Variants in CSMD1 observed in about 807,000 individuals in gnomAD.
CSMD1 encodes CUB and Sushi multiple domains 1.
A neutral mutation model predicts 417.5 loss-of-function variants in CSMD1; 213 were observed. The ratio of observed to expected loss-of-function variants is 0.51; its 90% CI spans 0.46 to 0.57. The LOEUF is 0.57. Among genes scored for constraint, CSMD1 ranks in the 20% least tolerant of loss-of-function variants. The pLI, the probability that CSMD1 is intolerant of heterozygous loss-of-function variation, is 0.00. For synonymous variants in CSMD1, 2,862 were observed against 1,736.8 expected, an observed-to-expected ratio of 1.65 and a Z score of -16.11; for missense variants, 6,923 against 4,529.7, an observed-to-expected ratio of 1.53 and a Z score of -15.17.
At chr8:4,376,881 G>A (rs572478251) in intron 3 of CSMD1, among the ~76,000 whole-genome samples, 2 of 152,198 alleles carry the variant, frequency 1.3e-5, no homozygotes, top group South Asian at 4.1e-4. Context: ...ACAGGTATTT[G>A]ACTTGGATTT....
At chr8:3,708,275 A>G (rs1440478602) in intron 7 of CSMD1, 139 bp downstream of exon 7, 8 of 678,950 alleles carry the variant, frequency 1.2e-5, no homozygotes, top group Non-Finnish European at 1.8e-5. Flanking sequence ...TCTTTCTCCC[A>G]GAAAATACTT....
intron 3 of CSMD1, among the ~76,000 whole-genome samples, chr8:4,407,885 G>C (rs920996706): frequency 9.2e-5 from 14 of 152,104 alleles, no homozygotes; most frequent in African/African-American, 3.1e-4. Context: ...ATATTTATGA[G>C]TTAAGATGGA....
intron 10 of CSMD1, among the ~76,000 whole-genome samples, chr8:3,568,182 T>G (rs370923578): frequency 6.6e-6 from 1 of 152,354 alleles, no homozygotes; most frequent in South Asian, 2.1e-4. Context: ...TATAAAGTAC[T>G]GATGTTCACT....
At position 4,141,808 on chromosome 8, in the gene CSMD1, G is replaced by T. The variant is rs571387220; in HGVS notation, c.416-109709C>A. Among the ~76,000 whole-genome samples, 5 of 151,146 alleles carry T rather than the reference G, an allele frequency of 3.3e-5. No individual in the cohort carries two copies. In the East Asian group the frequency reaches 9.7e-4, roughly 29 times the overall value. On this transcript the variant is annotated intron_variant, in intron 3 of 69. Coordinates refer to ENST00000635120, the MANE Select transcript of CSMD1 (RefSeq NM_033225.6). Reference sequence around the variant, plus strand: ...CATATTGTGAACTCTATTTTACAATGACTAACTGAACATATAATTCATCAT... The same window carrying T: ...CATATTGTGAACTCTATTTTACAATTACTAACTGAACATATAATTCATCAT...
chr8:4,252,780 C>G (rs1585101348), intron 3 of CSMD1, among the ~76,000 whole-genome samples: 1 of 152,216 alleles, frequency 6.6e-6, no homozygotes, highest in Non-Finnish European at 1.5e-5. Context: ...ACACCACTGA[C>G]ATTTATGCCT....
chr8:3,817,995 C>G (rs1027587725), intron 5 of CSMD1, among the ~76,000 whole-genome samples: 1 of 152,110 alleles, frequency 6.6e-6, no homozygotes, highest in African/African-American at 2.4e-5. Context: ...TAAGAAAAAG[C>G]CCATTTTTAC....
intron 3 of CSMD1, among the ~76,000 whole-genome samples, chr8:4,185,910 T>C (rs1054287720): frequency 4.6e-5 from 7 of 152,166 alleles, no homozygotes; most frequent in Admixed American, 3.9e-4. Flanking sequence ...TAAACTGTTA[T>C]TACGTTGAGT....
chr8:4,255,784 C>G (rs1242956061), intron 3 of CSMD1, among the ~76,000 whole-genome samples: 3 of 152,154 alleles, frequency 2.0e-5, no homozygotes, highest in South Asian at 2.1e-4. Context: ...AAAGAAAACC[C>G]CAGCTCCATT....
intron 1 of CSMD1, among the ~76,000 whole-genome samples, chr8:4,888,253 A>G (rs1803880503): frequency 6.6e-6 from 1 of 152,102 alleles, no homozygotes; most frequent in South Asian, 2.1e-4. Context: ...AGGAATCGAT[A>G]AGGAGTAATT....
rs548076525 is a variant in CSMD1 at position 3,078,960 on chromosome 8, C to A, written c.7474+8137G>T. Among the ~76,000 whole-genome samples the A allele has an allele frequency of 4.0e-5, 6 of 149,726 alleles. No homozygotes were observed. In the East Asian group the frequency reaches 1.2e-3, roughly 29 times the overall value. Reference sequence around the variant, plus strand: ...TTCATGCCAACATTTGCGTTTAGTCCTTCAAAACGGGGGGGAGCACCTTTA... The same window carrying A: ...TTCATGCCAACATTTGCGTTTAGTCATTCAAAACGGGGGGGAGCACCTTTA... On this transcript the variant is annotated intron_variant, in intron 49 of 69. Coordinates refer to ENST00000635120, the MANE Select transcript of CSMD1 (RefSeq NM_033225.6).
At chr8:3,984,733 ATATATATATATATATATATT>A (rs1411786034) in intron 5 of CSMD1, among the ~76,000 whole-genome samples, 26 of 83,090 alleles carry the variant, frequency 3.1e-4, no homozygotes, top group African/African-American at 7.1e-4. Context: ...ATATATATAT[ATATATATATATATATATATT>A]TGTATGTATT....
intron 40 of CSMD1, among the ~76,000 whole-genome samples, chr8:3,150,501 G>A (rs1819129200): frequency 6.6e-6 from 1 of 152,184 alleles, no homozygotes; most frequent in African/African-American, 2.4e-5. Context: ...GCCATCCTGG[G>A]CACAGATTCT....
intron 7 of CSMD1, among the ~76,000 whole-genome samples, chr8:3,639,973 T>TAGC (rs2117307704): frequency 6.6e-6 from 1 of 152,366 alleles, no homozygotes; most frequent in South Asian, 2.1e-4. Context: ...ATTTTATGGC[T>TAGC]AGCATCTAAT....
At chr8:4,016,398 G>A (rs962345314) in intron 4 of CSMD1, among the ~76,000 whole-genome samples, 3 of 152,114 alleles carry the variant, frequency 2.0e-5, no homozygotes, top group Admixed American at 6.5e-5. Context: ...TCGAGCCAGT[G>A]GCAGAGAAGA....
intron 3 of CSMD1, among the ~76,000 whole-genome samples, chr8:4,165,274 G>A (rs912194364): frequency 6.6e-6 from 1 of 152,352 alleles, no homozygotes; most frequent in African/African-American, 2.4e-5. Flanking sequence ...GAAAGTTACA[G>A]CTGTTGATCC....
At chr8:4,702,658 G>C (rs767164736) in intron 1 of CSMD1, among the ~76,000 whole-genome samples, 4 of 152,064 alleles carry the variant, frequency 2.6e-5, no homozygotes, top group East Asian at 1.9e-4. Context: ...ACGTTTCCAA[G>C]AAACATTTTT....
intron 1 of CSMD1, among the ~76,000 whole-genome samples, chr8:4,670,961 C>T (rs1431941063): frequency 2.0e-5 from 3 of 152,172 alleles, no homozygotes; most frequent in African/African-American, 4.8e-5. Context: ...ATATGACATC[C>T]ATGCTATCTC....
At chr8:4,898,238 CG>C (rs1410813495) in intron 1 of CSMD1, among the ~76,000 whole-genome samples, 1 of 152,102 alleles carries the variant, frequency 6.6e-6, no homozygotes, top group Non-Finnish European at 1.5e-5. Flanking sequence ...CGGAGAGCAT[CG>C]GGGTGCTTAG....
At chr8:3,012,607 T>A (rs1808481009) in intron 52 of CSMD1, among the ~76,000 whole-genome samples, 8 of 152,140 alleles carry the variant, frequency 5.3e-5, no homozygotes, top group Admixed American at 5.2e-4. Flanking sequence ...TGCACCAGGA[T>A]GGAAAACATA....
Sources: allele counts gnomAD v4.1 joint callset (sites outside exome capture counted in the v4.1 genomes callset), GRCh38; gene constraint gnomAD v4.1.1; transcripts MANE v1.5; gene names NCBI Gene and HGNC (gene_info 2026-07-23, HGNC 2026-07-21).